The following NCOA2 variants were observed in gnomAD, a reference collection of about 807,000 sequenced individuals.
NCOA2 encodes the protein nuclear receptor coactivator 2.
Under a neutral mutation model 145.1 loss-of-function variants are expected in NCOA2, and 21 were observed. The observed-to-expected ratio is 0.14, with a 90% CI of 0.10 to 0.21. The LOEUF (loss-of-function observed/expected upper bound fraction) is 0.21. NCOA2 is among the 10% of genes least tolerant of loss of function. The pLI, the probability that NCOA2 is intolerant of heterozygous loss-of-function variation, is 1.00. For synonymous variants in NCOA2, 619 were observed against 637.5 expected (o/e 0.97, Z 0.44); for missense variants, 1,472 against 1,837.6 (o/e 0.80, Z 3.64).
chr8:70,358,931 A>G (rs536340651), intron 1 of NCOA2, among the ~76,000 whole-genome samples: 4 of 152,318 alleles, frequency 2.6e-5, no homozygotes, highest in Non-Finnish European at 4.4e-5. Flanking sequence ...CTGAACAGAC[A>G]TTTCTCCAGA....
At chr8:70,176,150 A>T (rs77375307) in intron 4 of NCOA2, among the ~76,000 whole-genome samples, 1 of 152,344 alleles carries the variant, frequency 6.6e-6, no homozygotes, top group Non-Finnish European at 1.5e-5. Flanking sequence ...ACACTCTTTA[A>T]AAATACAAAG....
chr8:70,404,820 A>G (rs1026145838), upstream of NCOA2, among the ~76,000 whole-genome samples: 3 of 152,200 alleles, frequency 2.0e-5, no homozygotes, highest in African/African-American at 7.2e-5. Flanking sequence ...TACTTAGACC[A>G]ATCTGTTTTA....
At chr8:70,235,016 A>G (rs779502785) in intron 2 of NCOA2, among the ~76,000 whole-genome samples, 40 of 152,340 alleles carry the variant, frequency 2.6e-4, no homozygotes, top group Middle Eastern at 3.4e-3. Flanking sequence ...AGACATATGT[A>G]CATCCATGCT....
intron 2 of NCOA2, among the ~76,000 whole-genome samples, chr8:70,262,122 T>C (rs1824185115): frequency 6.6e-6 from 1 of 152,170 alleles, no homozygotes; most frequent in Non-Finnish European, 1.5e-5. Flanking sequence ...TTCAAATTAA[T>C]TTTGAGACCA....
chr8:70,433,895 T>A, the NCOA2 span, among the ~76,000 whole-genome samples: 1 of 152,138 alleles, frequency 6.6e-6, no homozygotes, highest in East Asian at 1.9e-4. Context: ...TTTATGTAAT[T>A]TGGGGGACTT....
At chr8:70,285,922 G>C (rs1826199395) in intron 2 of NCOA2, among the ~76,000 whole-genome samples, 1 of 152,086 alleles carries the variant, frequency 6.6e-6, no homozygotes, top group Non-Finnish European at 1.5e-5. Flanking sequence ...TCAAATTCCA[G>C]AACTACCTAC....
At chr8:70,295,752 G>GC (rs1827041931) in intron 2 of NCOA2, among the ~76,000 whole-genome samples, 1 of 152,044 alleles carries the variant, frequency 6.6e-6, no homozygotes, top group Admixed American at 6.6e-5. Context: ...GACCAGCCTG[G>GC]CCAATATGGT....
chr8:70,343,486 T>C (rs1436333687), intron 1 of NCOA2, among the ~76,000 whole-genome samples: 1 of 151,844 alleles, frequency 6.6e-6, no homozygotes, highest in Non-Finnish European at 1.5e-5. Flanking sequence ...CTAGTATCAC[T>C]TGAAGCTTTC....
chr8:70,352,974 A>C (rs1197298565), intron 1 of NCOA2, among the ~76,000 whole-genome samples: 1 of 152,178 alleles, frequency 6.6e-6, no homozygotes, highest in Admixed American at 6.5e-5. Context: ...ACAGTGCCTC[A>C]ATCCACCCTA....
chr8:70,417,245 T>TAAAAAAAAAAAAAAAAAAAAAAAAA, the NCOA2 span, among the ~76,000 whole-genome samples: 1 of 77,996 alleles, frequency 1.3e-5, no homozygotes. Flanking sequence ...TCGTCTCTAT[T>TAAAAAAAAAAAAAAAAAAAAAAAAA]AAAAAAAAAA....
At chr8:70,304,568 G>C (rs975902748) in intron 1 of NCOA2, among the ~76,000 whole-genome samples, 2 of 151,894 alleles carry the variant, frequency 1.3e-5, no homozygotes, top group Non-Finnish European at 2.9e-5. Flanking sequence ...CCAGGTTCAA[G>C]CAATTCTCTG....
chr8:70,242,981 T>C (rs557941755), intron 2 of NCOA2, among the ~76,000 whole-genome samples: 81 of 152,210 alleles, frequency 5.3e-4, no homozygotes, highest in African/African-American at 1.9e-3. Flanking sequence ...ACATCTGGCT[T>C]GTTTACACGC....
chr8:70,258,039 TCCC>T (rs1433710109), intron 2 of NCOA2, among the ~76,000 whole-genome samples: 23 of 152,202 alleles, frequency 1.5e-4, no homozygotes, highest in Non-Finnish European at 2.9e-4. Context: ...CACCTCAGTC[TCCC>T]CAGTAGCTGG....
intron 15 of NCOA2, among the ~76,000 whole-genome samples, chr8:70,132,485 T>G (rs1809244784): frequency 1.3e-5 from 2 of 152,262 alleles, no homozygotes; most frequent in Admixed American, 6.5e-5. Context: ...CTGCATTAAC[T>G]TTCTTGAACT....
rs1302922348 is a variant in NCOA2, at chr8:70,162,766, G to C, written c.921C>G (p.Phe307Leu). 1 of 1,613,916 alleles carries C rather than the reference G, an allele frequency of 6.2e-7. No homozygotes were observed. Among genetic ancestry groups the C allele is most frequent in the Admixed American group, 1.7e-5 (1 of 60,028 alleles). ...EDLVRRCIQK[F>L]HAQHEGESVS... ...CAGATTCTCCTTCATGCTGCGCATG[G>C]AACTTCTGAATACACCTTCTTACCA... The change falls in exon 9 of 23, where the codon TTC (phenylalanine) becomes TTG (leucine). Residue 307 changes from phenylalanine (F) to leucine (L), a missense_variant. Physicochemically the swap from Phe to Leu is conservative, Grantham distance 22. Around this residue, in one of 4 missense-constraint regions of NCOA2, gnomAD observed 284 missense variants for 467.8 expected, o/e 0.61. Coordinates refer to ENST00000452400, the MANE Select transcript of NCOA2 (RefSeq NM_006540.4).
At chr8:70,181,167 C>T (rs1292628569) in intron 4 of NCOA2, among the ~76,000 whole-genome samples, 6 of 152,144 alleles carry the variant, frequency 3.9e-5, no homozygotes, top group Admixed American at 2.0e-4. Context: ...AGTTCTATCC[C>T]TTCACTGGGG....
the NCOA2 span, among the ~76,000 whole-genome samples, chr8:70,417,485 G>T: frequency 6.6e-6 from 1 of 151,978 alleles, no homozygotes; most frequent in African/African-American, 2.4e-5. Flanking sequence ...GGAGGCAGAG[G>T]TTGCAGTGAG....
chr8:70,372,947 GTTC>G (rs896241707), intron 1 of NCOA2, among the ~76,000 whole-genome samples: 2 of 152,058 alleles, frequency 1.3e-5, no homozygotes, highest in African/African-American at 4.8e-5. Context: ...TCACTAGTTT[GTTC>G]TTTTTTATTG....
At chr8:70,439,578 C>T in the NCOA2 span, among the ~76,000 whole-genome samples, 1 of 152,192 alleles carries the variant, frequency 6.6e-6, no homozygotes, top group Non-Finnish European at 1.5e-5. Context: ...GTGGCTCTGC[C>T]TTAAGAAGTG....
Sources: gnomAD v4.1 joint callset for allele counts (sites outside exome capture counted in the v4.1 genomes callset) on GRCh38, gnomAD v4.1.1 for gene constraint, gnomAD v4.1.1 regional missense constraint, MANE v1.5 for transcripts, NCBI Gene and HGNC (gene_info 2026-07-23, HGNC 2026-07-21) for gene names.